The following ASXL2 variants were observed in gnomAD, a reference collection of about 807,000 sequenced individuals.
ASXL2 encodes ASXL transcriptional regulator 2, also known as putative Polycomb group protein ASXL2.
A neutral mutation model predicts 122.0 loss-of-function variants in ASXL2; 23 were observed. The ratio of observed to expected loss-of-function variants is 0.19; its 90% CI spans 0.14 to 0.27. ASXL2 has a LOEUF of 0.27. Ranked by LOEUF, ASXL2 falls within the 10% of genes least tolerant of loss-of-function variation. ASXL2 has a pLI of 1.00. For synonymous variants in ASXL2, 650 were observed against 637.0 expected (o/e 1.02, Z -0.31); for missense variants, 1,518 against 1,713.8 (o/e 0.89, Z 2.02).
intron 3 of ASXL2, among the ~76,000 whole-genome samples, chr2:25,818,946 T>C (rs2089274051): frequency 6.6e-6 from 1 of 152,316 alleles, no homozygotes; most frequent in Admixed American, 6.5e-5. Context: ...TAAGTGACTA[T>C]TTCACATATG....
At position 25,741,931 on chromosome 2, in the gene ASXL2, C is replaced by T. The variant is rs1268517528; in HGVS notation, c.*98G>A. On this transcript the variant is annotated 3_prime_UTR_variant, in exon 13 of 13. Coordinates refer to ENST00000435504, the MANE Select transcript of ASXL2 (RefSeq NM_018263.6). ...ATTTGTCTCTGAAGACAACTGAAAC[C>T]TACTTGTTTATTTCTGTGATTCCAA... 8.4e-7 allele frequency: 1 copy of T among 1,195,850 alleles called. No individual in the cohort carries two copies. The highest frequency in any genetic ancestry group is 1.5e-5 in the African/African-American group (1 of 65,586). 74.1% of individuals were successfully genotyped at this position (1,195,850 alleles called of 1,614,324 possible). A position where few individuals can be genotyped will look rare whatever the true frequency, so the allele number is the denominator to read the frequency against.
Position 25,768,806 on chromosome 2 carries a change from G to A in ASXL2, c.567C>T (p.Ser189=). The change falls in exon 7 of 13, where the codon TCC becomes TCT. Residue 189 remains serine, a synonymous_variant. Coordinates refer to ENST00000435504, the MANE Select transcript of ASXL2 (RefSeq NM_018263.6). ...QQQCRPSISI[S]SNQHLSLKTV... is the part of the protein sequence containing the mutation. The stretch of plus-strand genomic sequence containing the variant: ...TCTTTAGTGAGAGATGCTGGTTGGA[G>A]GAGATGGATATGCTTGGCCTGCATT... The A allele has an allele frequency of 6.2e-7, 1 of 1,613,892 alleles. No individual in the cohort carries two copies. Among genetic ancestry groups the A allele is most frequent in the African/African-American group, 1.3e-5 (1 of 75,054 alleles).
rs745868748 is a variant in ASXL2, at chr2:25,744,067, T to C, written c.2270A>G (p.Lys757Arg). 5.0e-6 allele frequency: 8 copies of C among 1,613,882 alleles called. No individual in the cohort carries two copies. The highest frequency in any genetic ancestry group is 6.8e-6 in the Non-Finnish European group (8 of 1,179,882). Residue 757 changes from lysine to arginine, a missense_variant, in exon 13 of 13, where the codon AAG becomes AGG. This residue lies in a region of ASXL2 where 831 missense variants were observed against 833.1 expected (regional missense o/e 1.00). Coordinates refer to ENST00000435504, the MANE Select transcript of ASXL2 (RefSeq NM_018263.6). This position sits in a 1 kb window ranked among gnomAD's most constrained non-coding sequence, Gnocchi z 4.7. ...AGGCTGTGCCTGGCTTGGGGTGGTC[T>C]TGGTCTCAGACTGGGGCTGAGTCTC... ...GPETQPQSET[K>R]TTPSQAQPHS...
intron 11 of ASXL2, among the ~76,000 whole-genome samples, chr2:25,751,212 T>C (rs180894235): frequency 6.6e-6 from 1 of 152,336 alleles, no homozygotes; most frequent in East Asian, 1.9e-4. Context: ...GAGTCAGTAC[T>C]GTGCTTCTGA....
intron 1 of ASXL2, among the ~76,000 whole-genome samples, chr2:25,872,490 T>C (rs1261496040): frequency 6.6e-6 from 1 of 151,726 alleles, no homozygotes; most frequent in Non-Finnish European, 1.5e-5. Context: ...AAGGTATAAG[T>C]GAAAACTAAT....
intron 5 of ASXL2, among the ~76,000 whole-genome samples, chr2:25,781,533 C>CT (rs1193163517): frequency 2.7e-5 from 4 of 149,016 alleles, no homozygotes; most frequent in Non-Finnish European, 5.9e-5. Flanking sequence ...TTATTTACAT[C>CT]TATTTATTTA....
intron 1 of ASXL2, among the ~76,000 whole-genome samples, chr2:25,863,611 T>C (rs1262292071): frequency 6.6e-6 from 1 of 151,596 alleles, no homozygotes; most frequent in African/African-American, 2.4e-5. Flanking sequence ...GAGAATGGCC[T>C]GAATCCAGAA....
At chr2:25,847,374 T>C (rs1301828557) in intron 1 of ASXL2, among the ~76,000 whole-genome samples, 1 of 152,242 alleles carries the variant, frequency 6.6e-6, no homozygotes, top group East Asian at 1.9e-4. Flanking sequence ...TCTTTTTCTA[T>C]GCCCATCCCT....
Position 25,743,864 on chromosome 2 carries a change from T to C in ASXL2, c.2473A>G (p.Ser825Gly), listed in dbSNP as rs2087890830. Residue 825 changes from serine to glycine, a missense_variant, in exon 13 of 13, where the codon AGT (serine) becomes GGT (glycine). Ser to Gly is a moderately conservative substitution (Grantham distance 56). This residue lies in a region of ASXL2 where 831 missense variants were observed against 833.1 expected (regional missense o/e 1.00). Transcript: ENST00000435504. ...VASVSHPQGP[S>G]SCRQEKAPSP... ...GGTGCTTTCTCCTGTCTGCAACTACTGGGCCCTTGTGGATGGCTGACAGAG... is the reference window on the plus strand; with the variant it reads ...GGTGCTTTCTCCTGTCTGCAACTACCGGGCCCTTGTGGATGGCTGACAGAG... 1.2e-6 allele frequency: 2 copies of C among 1,613,894 alleles called. No individual in the cohort carries two copies. Among genetic ancestry groups the C allele is most frequent in the Non-Finnish European group, 1.7e-6 (2 of 1,179,886 alleles).
chr2:25,759,403 TCA>T (rs2088199037), intron 9 of ASXL2, 77 bp downstream of exon 9: 1 of 1,362,604 alleles, frequency 7.3e-7, no homozygotes, highest in Non-Finnish European at 9.8e-7. Flanking sequence ...TTCTTACTTC[TCA>T]CTTAGTACCA....
intron 1 of ASXL2, among the ~76,000 whole-genome samples, chr2:25,874,988 C>G (rs2089998926): frequency 6.6e-6 from 1 of 152,112 alleles, no homozygotes; most frequent in African/African-American, 2.4e-5. Flanking sequence ...GAGGCTGAGG[C>G]AGGAGGATCA....
At chr2:25,816,453 T>G (rs577493593) in intron 3 of ASXL2, among the ~76,000 whole-genome samples, 4 of 152,288 alleles carry the variant, frequency 2.6e-5, no homozygotes, top group Admixed American at 6.5e-5. Context: ...AGGCTTGATT[T>G]GATCAATGAA....
rs201934192 is a variant in ASXL2, at chr2:25,749,704, G to A, written c.1852C>T (p.Pro618Ser). Reference sequence around the variant, plus strand: ...TCTCTCCATTCTCTTACCTTGAGAGGTGGTACTTTTCGCACCTGGATTCTG... The same window carrying A: ...TCTCTCCATTCTCTTACCTTGAGAGATGGTACTTTTCGCACCTGGATTCTG... ...GDRIQVRKVPPLKIPVSRISP... is the reference protein window; with the variant it reads ...GDRIQVRKVPSLKIPVSRISP... Residue 618 changes from proline (P) to serine (S), a missense_variant, in exon 12 of 13, where the codon CCT becomes TCT. Pro to Ser is a moderately conservative substitution (Grantham distance 74). Around this residue, in one of 8 missense-constraint regions of ASXL2, gnomAD observed 292 missense variants for 293.5 expected, o/e 1.00. Coordinates refer to ENST00000435504, the MANE Select transcript of ASXL2 (RefSeq NM_018263.6). The A allele has an allele frequency of 7.9e-5, 120 of 1,519,376 alleles. No homozygotes were observed. The highest frequency in any genetic ancestry group is 1.1e-5 in the Non-Finnish European group (12 of 1,136,902). The allele number at this position is 1,519,376 out of a possible 1,614,324, so 94.1% of individuals were successfully genotyped here. A position where few individuals can be genotyped will look rare whatever the true frequency, so the allele number is the denominator to read the frequency against.
At chr2:25,839,535 A>AGTCAT (rs2089551535) in intron 2 of ASXL2, among the ~76,000 whole-genome samples, 1 of 151,904 alleles carries the variant, frequency 6.6e-6, no homozygotes, top group South Asian at 2.1e-4. Context: ...TCCTGGCCTA[A>AGTCAT]GTCATGTCCT....
chr2:25,832,355 T>C (rs768430152), intron 3 of ASXL2, among the ~76,000 whole-genome samples: 9 of 151,978 alleles, frequency 5.9e-5, no homozygotes, highest in Non-Finnish European at 1.2e-4. Flanking sequence ...AAGAAAAGCA[T>C]GTAAAGACAT....
At chr2:25,823,280 T>C (rs2089333679) in intron 3 of ASXL2, among the ~76,000 whole-genome samples, 1 of 152,164 alleles carries the variant, frequency 6.6e-6, no homozygotes, top group Non-Finnish European at 1.5e-5. Flanking sequence ...CTTTTCTTCA[T>C]AACATAGATA....
chr2:25,752,720 G>A (rs567670234), intron 11 of ASXL2, among the ~76,000 whole-genome samples: 1 of 151,894 alleles, frequency 6.6e-6, no homozygotes, highest in African/African-American at 2.4e-5. Flanking sequence ...GGTGGTACAC[G>A]CCTGTAATCC....
Position 25,769,716 on chromosome 2 carries a change from T to A in ASXL2, c.505-848A>T, listed in dbSNP as rs368836763. ...AAGAAAGTAATTTCAGGAAAAAAACTGAAGTTTGACTTTGCTAGGTTGCCA... is the reference window on the plus strand; with the variant it reads ...AAGAAAGTAATTTCAGGAAAAAAACAGAAGTTTGACTTTGCTAGGTTGCCA... On this transcript the variant is annotated intron_variant, in intron 6 of 12. Transcript: ENST00000435504. Among the ~76,000 whole-genome samples the A allele has an allele frequency of 2.6e-5, 4 of 151,794 alleles. No individual in the cohort carries two copies. In the East Asian group the frequency reaches 7.7e-4, roughly 29 times the overall value.
chr2:25,766,783 T>C (rs1348595638), intron 8 of ASXL2, among the ~76,000 whole-genome samples: 1 of 152,230 alleles, frequency 6.6e-6, no homozygotes, highest in Non-Finnish European at 1.5e-5. Flanking sequence ...CCCCCAGCTA[T>C]GTTTGATATC....
Sources: allele counts gnomAD v4.1 joint callset (sites outside exome capture counted in the v4.1 genomes callset), GRCh38; gene constraint gnomAD v4.1.1; regional missense constraint gnomAD v4.1.1; non-coding constraint Gnocchi (gnomAD v3.1); transcripts MANE v1.5; gene names NCBI Gene and HGNC (gene_info 2026-07-23, HGNC 2026-07-21).